Variants in MAGI1 observed in about 807,000 individuals in gnomAD.
MAGI1 encodes membrane-associated guanylate kinase, WW and PDZ domain-containing protein 1.
Under a neutral mutation model 139.9 loss-of-function variants are expected in MAGI1, and 58 were observed. The observed-to-expected ratio is 0.41, with a 90% CI of 0.34 to 0.52. The LOEUF (loss-of-function observed/expected upper bound fraction) is 0.52. MAGI1 is among the 20% of genes least tolerant of loss of function. The probability of loss-of-function intolerance (pLI) is 0.12; values close to 1 mark genes in which losing one functional copy is unlikely to be tolerated. For synonymous variants in MAGI1, 812 were observed against 737.9 expected (o/e 1.10, Z -1.63); for missense variants, 1,874 against 1,901.6 (o/e 0.99, Z 0.27).
intron 1 of MAGI1, among the ~76,000 whole-genome samples, chr3:65,694,155 A>G (rs1176529244): frequency 6.6e-6 from 1 of 152,212 alleles, no homozygotes; most frequent in East Asian, 1.9e-4. Context: ...AAACAAACAG[A>G]AAACAAGAGG....
intron 5 of MAGI1, among the ~76,000 whole-genome samples, chr3:65,464,546 T>C (rs996020624): frequency 3.9e-5 from 6 of 152,176 alleles, no homozygotes; most frequent in East Asian, 1.9e-4. Context: ...TTCTAATTCA[T>C]TGGAGATTTT....
intron 1 of MAGI1, among the ~76,000 whole-genome samples, chr3:65,845,016 G>T (rs7651809): frequency 0.05 from 7,614 of 152,118 alleles, 609 homozygotes; most frequent in African/African-American, 0.17. Flanking sequence ...ACTTTGGGAG[G>T]CCGAGGTGGG....
intron 1 of MAGI1, among the ~76,000 whole-genome samples, chr3:65,770,218 C>T (rs1232125463): frequency 1.1e-4 from 16 of 152,180 alleles, no homozygotes; most frequent in Admixed American, 1.0e-3. Flanking sequence ...TTCAGCATTT[C>T]CCAGAGACTC....
At chr3:65,459,956 G>A (rs1409870002) in intron 5 of MAGI1, among the ~76,000 whole-genome samples, 4 of 152,076 alleles carry the variant, frequency 2.6e-5, no homozygotes, top group African/African-American at 4.8e-5. Context: ...AAAAAAGAGT[G>A]GGGACAACTG....
chr3:65,416,419 G>A (rs7615097), intron 12 of MAGI1, among the ~76,000 whole-genome samples: 24,591 of 152,096 alleles, frequency 0.16, 2,665 homozygotes, highest in African/African-American at 0.31. Flanking sequence ...ATCACAAAAA[G>A]GGTCTATTAG....
In MAGI1 at chr3:65,356,468, A is replaced by AT; in HGVS notation, c.4298dup (p.Asn1433LysfsTer25). ...AACTTCTGCCGGCATCCTGTTTCAG[A>AT]TTCGCCTCTTCCCTTTCTCGGTGGC... is the stretch of plus-strand genomic sequence containing the variant. On this transcript the variant is annotated frameshift_variant, in exon 23 of 23. Coordinates refer to ENST00000402939, the MANE Select transcript of MAGI1 (RefSeq NM_001033057.2). LOFTEE classifies it high-confidence loss of function. 1 of 1,610,010 alleles carries AT rather than the reference A, an allele frequency of 6.2e-7. No homozygotes were observed. Among genetic ancestry groups the AT allele is most frequent in the Non-Finnish European group, 8.5e-7 (1 of 1,179,604 alleles).
chr3:65,978,695 C>G (rs1560075773), intron 1 of MAGI1, among the ~76,000 whole-genome samples: 1 of 144,292 alleles, frequency 6.9e-6, no homozygotes. Context: ...ATGGTGCAAT[C>G]TCAGCTCACT....
rs983513823 is a variant in MAGI1 at position 65,949,962 on chromosome 3, T to G, written c.313+88034A>C. On this transcript the variant is annotated intron_variant, in intron 1 of 22. Transcript: ENST00000402939. ...TACTCAGGAGGCTGAGATGGGAGGA[T>G]GACTTGAGCCCAGGATGGGGAGGCT... Among the ~76,000 whole-genome samples, 4 of 148,090 alleles carry G rather than the reference T, an allele frequency of 2.7e-5. No individual in the cohort carries two copies. In the Admixed American group the frequency reaches 2.7e-4, roughly 10 times the overall value.
At chr3:65,414,119 T>A (rs1197683535) in intron 12 of MAGI1, among the ~76,000 whole-genome samples, 1 of 152,188 alleles carries the variant, frequency 6.6e-6, no homozygotes, top group Non-Finnish European at 1.5e-5. Flanking sequence ...AGGCTTTGAG[T>A]CAATGCAGAT....
intron 1 of MAGI1, among the ~76,000 whole-genome samples, chr3:65,639,985 G>C (rs377295156): frequency 8.0e-6 from 1 of 125,672 alleles, no homozygotes; most frequent in Admixed American, 7.7e-5. Context: ...GCAAAACTCC[G>C]TCTCAAAAAA....
intron 1 of MAGI1, among the ~76,000 whole-genome samples, chr3:65,692,950 C>A (rs956343800): frequency 6.6e-5 from 10 of 152,172 alleles, no homozygotes; most frequent in African/African-American, 2.4e-4. Flanking sequence ...CTCAACAGAG[C>A]AGACAGGGTC....
intron 1 of MAGI1, among the ~76,000 whole-genome samples, chr3:65,626,317 A>G (rs2083968867): frequency 6.6e-6 from 1 of 152,084 alleles, no homozygotes; most frequent in Non-Finnish European, 1.5e-5. Context: ...TAGATTGGAA[A>G]CCATTTTACT....
At chr3:65,840,733 G>T (rs1243223418) in intron 1 of MAGI1, among the ~76,000 whole-genome samples, 2 of 152,096 alleles carry the variant, frequency 1.3e-5, no homozygotes, top group East Asian at 3.9e-4. Flanking sequence ...TTGTTCTGTA[G>T]CTGTTTGTTT....
intron 2 of MAGI1, among the ~76,000 whole-genome samples, chr3:65,548,063 G>A (rs1302478962): frequency 6.6e-6 from 1 of 152,156 alleles, no homozygotes; most frequent in African/African-American, 2.4e-5. Context: ...CTGCAACCCT[G>A]CGGCAATAAC....
intron 1 of MAGI1, among the ~76,000 whole-genome samples, chr3:65,787,660 A>T (rs2039489222): frequency 6.6e-6 from 1 of 151,750 alleles, no homozygotes; most frequent in Non-Finnish European, 1.5e-5. Context: ...ATGAGCAATA[A>T]TAAAACAGAG....
chr3:65,397,699 T>C (rs1259557221), intron 13 of MAGI1, among the ~76,000 whole-genome samples: 2 of 152,154 alleles, frequency 1.3e-5, no homozygotes, highest in Non-Finnish European at 2.9e-5. Flanking sequence ...TATTCAATCG[T>C]GGGTGTTGGC....
chr3:65,675,153 A>T (rs75213954), intron 1 of MAGI1, among the ~76,000 whole-genome samples: 2,969 of 152,298 alleles, frequency 0.019, 40 homozygotes, highest in Non-Finnish European at 0.027. Context: ...ATGTGTGGGC[A>T]CTGAGATTCA....
chr3:65,624,552 G>T (rs1233112101), intron 1 of MAGI1, among the ~76,000 whole-genome samples: 1 of 152,210 alleles, frequency 6.6e-6, no homozygotes, highest in African/African-American at 2.4e-5. Context: ...CATTCATATA[G>T]AAAGTTTTGG....
intron 12 of MAGI1, among the ~76,000 whole-genome samples, chr3:65,423,656 T>C (rs1575691667): frequency 6.6e-6 from 1 of 152,242 alleles, no homozygotes; most frequent in Admixed American, 6.5e-5. Flanking sequence ...AAGCACTGTC[T>C]GGAGCCAGTC....
Sources: allele counts gnomAD v4.1 joint callset (sites outside exome capture counted in the v4.1 genomes callset), GRCh38; gene constraint gnomAD v4.1.1; transcripts MANE v1.5; gene names NCBI Gene and HGNC (gene_info 2026-07-23, HGNC 2026-07-21).